The following DDX60 variants were observed in gnomAD, a reference collection of about 807,000 sequenced individuals.
DDX60 encodes the protein DExD/H-box helicase 60, also known as probable ATP-dependent RNA helicase DDX60.
Under a neutral mutation model 212.8 loss-of-function variants are expected in DDX60, and 165 were observed. That is an observed-to-expected ratio of 0.78 (90% CI 0.68 to 0.88). The LOEUF is 0.88. DDX60 is among the 40% of genes least tolerant of loss of function. The pLI is 0.00. For synonymous variants in DDX60, 703 were observed against 685.3 expected (o/e 1.03, Z -0.40); for missense variants, 1,905 against 2,003.9 (o/e 0.95, Z 0.94).
At chr4:168,218,116 T>C (rs1206238198) in intron 37 of DDX60, among the ~76,000 whole-genome samples, 1 of 152,158 alleles carries the variant, frequency 6.6e-6, no homozygotes, top group Non-Finnish European at 1.5e-5. Flanking sequence ...CCCTACCTTG[T>C]TTCCACTAGA....
At chr4:168,263,428 A>T (rs140609099) in intron 22 of DDX60, 2 of 152,188 alleles carry the variant, frequency 1.3e-5, no homozygotes, top group African/African-American at 4.8e-5. Context: ...ACTGGTTTCA[A>T]TCACTACTGC....
rs1311883951 is a variant in DDX60, at chr4:168,318,657, G to A, written c.-142C>T. On this transcript the variant is annotated 5_prime_UTR_variant, in exon 1 of 38. Transcript: ENST00000393743. ...GGACCGGTGGTGTCCAAAGACCCGC[G>A]AGCTGCGCGCCCCGCGGGGAGGGAG... The A allele has an allele frequency of 2.0e-5, 3 of 152,414 alleles. No individual in the cohort carries two copies. The highest frequency in any genetic ancestry group is 7.2e-5 in the African/African-American group (3 of 41,478). 9.4% of individuals were successfully genotyped at this position (152,414 alleles called of 1,614,324 possible). A position where few individuals can be genotyped will look rare whatever the true frequency, so the allele number is the denominator to read the frequency against.
At chr4:168,292,484 A>G (rs1736153494) in intron 7 of DDX60, among the ~76,000 whole-genome samples, 1 of 152,210 alleles carries the variant, frequency 6.6e-6, no homozygotes, top group African/African-American at 2.4e-5. Flanking sequence ...AACATTTTTC[A>G]GGATTTTTAG....
At chr4:168,296,584 A>AG (rs1736351663) in intron 6 of DDX60, among the ~76,000 whole-genome samples, 1 of 152,142 alleles carries the variant, frequency 6.6e-6, no homozygotes, top group Admixed American at 6.5e-5. Context: ...ACAAGCTGGC[A>AG]GAAAAAGATA....
At chr4:168,237,264 A>G (rs1733661253) in intron 32 of DDX60, 22 bp downstream of exon 32, 2 of 1,488,502 alleles carry the variant, frequency 1.3e-6, no homozygotes, top group Non-Finnish European at 1.8e-6. Flanking sequence ...CTCTACATAT[A>G]TATATAAAAT....
chr4:168,236,027 T>C, intron 33 of DDX60: 2 of 422,400 alleles, frequency 4.7e-6, no homozygotes, highest in Non-Finnish European at 8.3e-6. Context: ...ATGAATAAAA[T>C]GTTTATCCTC....
chr4:168,242,010 A>G (rs1733857731), intron 30 of DDX60, among the ~76,000 whole-genome samples: 1 of 152,166 alleles, frequency 6.6e-6, no homozygotes, highest in Admixed American at 6.5e-5. Context: ...GCTATGACTA[A>G]AAGGGGACAA....
intron 33 of DDX60, among the ~76,000 whole-genome samples, chr4:168,230,252 A>G (rs1260713949): frequency 1.3e-5 from 2 of 152,270 alleles, no homozygotes; most frequent in African/African-American, 2.4e-5. Flanking sequence ...AATGAGAAAG[A>G]TAGCAACACA....
intron 5 of DDX60, among the ~76,000 whole-genome samples, chr4:168,303,301 CCA>C (rs1736730898): frequency 8.2e-6 from 1 of 122,204 alleles, no homozygotes. Flanking sequence ...GACTCTGTCT[CCA>C]AAAAAAAAAA....
chr4:168,262,684 T>C lies in DDX60; in HGVS notation c.3143A>G (p.Gln1048Arg), dbSNP rs1579014402. The C allele has an allele frequency of 6.3e-7, 1 of 1,598,338 alleles. No homozygotes were observed. The highest frequency in any genetic ancestry group is 1.7e-4 in the Middle Eastern group (1 of 6,022). The change falls in exon 23 of 38, where the codon CAG (glutamine) becomes CGG (arginine). Residue 1048 changes from glutamine to arginine, a missense_variant and splice_region_variant. Gln to Arg is a conservative substitution (Grantham distance 43). Coordinates refer to ENST00000393743, the MANE Select transcript of DDX60 (RefSeq NM_017631.6). ...ATTAATTACATCATTATTATTTACCTGGGCCCGAGGCCAACTTTTCCAAAT... is the reference window on the plus strand; with the variant it reads ...ATTAATTACATCATTATTATTTACCCGGGCCCGAGGCCAACTTTTCCAAAT... ...FQIWKSWPRAQELCPENFIHF... is the reference protein window; with the variant it reads ...FQIWKSWPRARELCPENFIHF...
rs1734383881 is a variant in DDX60, at chr4:168,255,781, C to A, written c.3487G>T (p.Asp1163Tyr). The A allele has an allele frequency of 6.2e-7, 1 of 1,606,778 alleles. No individual in the cohort carries two copies. The highest frequency in any genetic ancestry group is 8.5e-7 in the Non-Finnish European group (1 of 1,178,200). ...TTAGCCATGACATGGGCTTCTTTATCAGCTTTGGGAGGCCTTTTTGTCTCC... is the reference window on the plus strand; with the variant it reads ...TTAGCCATGACATGGGCTTCTTTATAAGCTTTGGGAGGCCTTTTTGTCTCC... ...KQETKRPPKA[D>Y]KEAHVMANKL... Residue 1163 changes from aspartate to tyrosine, a missense_variant, in exon 26 of 38, where the codon GAT becomes TAT. Physicochemically the swap from Asp to Tyr is radical, Grantham distance 160. Coordinates refer to ENST00000393743, the MANE Select transcript of DDX60 (RefSeq NM_017631.6).
chr4:168,240,129 T>C (rs1373320603), intron 30 of DDX60, among the ~76,000 whole-genome samples: 1 of 152,138 alleles, frequency 6.6e-6, no homozygotes, highest in African/African-American at 2.4e-5. Context: ...AATCTCAGCA[T>C]ACAAAATCAA....
At chr4:168,258,260 T>G (rs1469828233) in intron 25 of DDX60, among the ~76,000 whole-genome samples, 6 of 152,234 alleles carry the variant, frequency 3.9e-5, no homozygotes, top group Non-Finnish European at 2.9e-5. Flanking sequence ...TTTGTACTAT[T>G]ATTCTGATCA....
chr4:168,240,461 G>GA (rs1373950899), intron 30 of DDX60, among the ~76,000 whole-genome samples: 12 of 151,990 alleles, frequency 7.9e-5, no homozygotes, highest in African/African-American at 1.7e-4. Context: ...CACAGATTTA[G>GA]AAAAAAACTA....
intron 11 of DDX60, among the ~76,000 whole-genome samples, 178 bp downstream of exon 11, chr4:168,285,215 A>G (rs1327319375): frequency 6.6e-6 from 1 of 152,242 alleles, no homozygotes; most frequent in East Asian, 1.9e-4. Context: ...AAAACTATAC[A>G]GATTTTTACA....
In DDX60 at chr4:168,285,736, G is replaced by T. The variant is rs548873360; in HGVS notation, c.1340-238C>A. On this transcript the variant is annotated intron_variant, in intron 10 of 37. Transcript: ENST00000393743. ...ATATGTGGATATGCATGGGGGATGG[G>T]TGGGTGGATATGCATGGGGGATGGG... Among the ~76,000 whole-genome samples, 3 of 151,256 alleles carry T rather than the reference G, an allele frequency of 2.0e-5. No individual in the cohort carries two copies. In the South Asian group the frequency reaches 6.3e-4, roughly 32 times the overall value.
chr4:168,317,311 C>T (rs971601210), intron 1 of DDX60, among the ~76,000 whole-genome samples: 1 of 151,854 alleles, frequency 6.6e-6, no homozygotes, highest in Non-Finnish European at 1.5e-5. Flanking sequence ...AAAGAAATTG[C>T]AAGAACCTTA....
At chr4:168,220,822 C>T in intron 36 of DDX60, 105 bp from the exon 37 acceptor site, 2 of 544,544 alleles carry the variant, frequency 3.7e-6, no homozygotes, top group Non-Finnish European at 5.8e-6. Context: ...TTTTGTCTGT[C>T]AAGATCTCTT....
At chr4:168,232,738 A>T (rs181195987) in intron 33 of DDX60, among the ~76,000 whole-genome samples, 4 of 152,262 alleles carry the variant, frequency 2.6e-5, no homozygotes, top group Admixed American at 2.6e-4. Context: ...TAATTCTAAG[A>T]CCTGAAAGCA....
Sources: gnomAD v4.1 joint callset for allele counts (sites outside exome capture counted in the v4.1 genomes callset) on GRCh38, gnomAD v4.1.1 for gene constraint, MANE v1.5 for transcripts, NCBI Gene and HGNC (gene_info 2026-07-23, HGNC 2026-07-21) for gene names.